ASTN2: variants seen among roughly 807,000 people sequenced by gnomAD.
ASTN2 encodes the protein astrotactin-2.
A neutral mutation model predicts 139.8 loss-of-function variants in ASTN2; 54 were observed. That is an observed-to-expected ratio of 0.39 (90% confidence interval 0.31 to 0.48). The LOEUF is 0.48. Among genes scored for constraint, ASTN2 ranks in the 20% least tolerant of loss-of-function variants. ASTN2 has a pLI of 0.95. For missense variants in ASTN2, 1,565 were observed against 1,725.1 expected (o/e 0.91, Z 1.64); for synonymous variants, 756 against 719.5 (o/e 1.05, Z -0.81).
At chr9:117,022,463 C>CA (rs1418997849) in intron 6 of ASTN2, among the ~76,000 whole-genome samples, 9 of 144,078 alleles carry the variant, frequency 6.2e-5, no homozygotes, top group African/African-American at 2.3e-4. Flanking sequence ...AACAAAAAAA[C>CA]AAAAAACAAA....
intron 10 of ASTN2, among the ~76,000 whole-genome samples, chr9:116,905,440 C>A (rs1171414457): frequency 6.6e-6 from 1 of 152,156 alleles, no homozygotes; most frequent in Non-Finnish European, 1.5e-5. Context: ...AACACACAGT[C>A]TTTATCCTCT....
intron 3 of ASTN2, among the ~76,000 whole-genome samples, chr9:117,153,743 T>C (rs1588022081): frequency 6.6e-6 from 1 of 152,188 alleles, no homozygotes; most frequent in South Asian, 2.1e-4. Context: ...TAGTGATAAT[T>C]GTGAGGATGA....
intron 19 of ASTN2, among the ~76,000 whole-genome samples, chr9:116,543,052 T>C (rs967636528): frequency 3.3e-5 from 5 of 152,066 alleles, no homozygotes; most frequent in African/African-American, 1.2e-4. Flanking sequence ...CTCTTTTAAA[T>C]TGATTATAAC....
At chr9:117,205,438 G>A (rs1000359630) in intron 3 of ASTN2, among the ~76,000 whole-genome samples, 4 of 152,114 alleles carry the variant, frequency 2.6e-5, no homozygotes, top group Non-Finnish European at 5.9e-5. Flanking sequence ...AGCCAAGAGT[G>A]TTACATTCCC....
intron 7 of ASTN2, among the ~76,000 whole-genome samples, chr9:116,997,026 A>C (rs1021059565): frequency 2.6e-5 from 4 of 152,124 alleles, no homozygotes; most frequent in Admixed American, 1.3e-4. Context: ...ATCATCAGAA[A>C]TACCTGAGGC....
At chr9:116,538,619 C>A (rs1044474026) in intron 19 of ASTN2, among the ~76,000 whole-genome samples, 1 of 152,126 alleles carries the variant, frequency 6.6e-6, no homozygotes, top group African/African-American at 2.4e-5. Flanking sequence ...AGTGAAAATT[C>A]TTCATGTTGA....
intron 13 of ASTN2, among the ~76,000 whole-genome samples, chr9:116,794,899 T>C (rs1003968536): frequency 2.0e-5 from 3 of 152,222 alleles, no homozygotes; most frequent in Non-Finnish European, 4.4e-5. Context: ...AGCTTTATGC[T>C]GTTTGAAAGG....
chr9:116,967,323 A>C (rs1217843556), intron 10 of ASTN2, among the ~76,000 whole-genome samples: 1 of 152,176 alleles, frequency 6.6e-6, no homozygotes, highest in African/African-American at 2.4e-5. Context: ...TGGAGCTGGG[A>C]TTTGAGACTA....
intron 10 of ASTN2, among the ~76,000 whole-genome samples, chr9:116,898,184 A>T (rs996276245): frequency 2.6e-5 from 4 of 152,106 alleles, no homozygotes; most frequent in Non-Finnish European, 4.4e-5. Flanking sequence ...AGGTGGAAGG[A>T]TCGCTTGAGT....
chr9:116,544,597 A>T (rs894391311), intron 19 of ASTN2, among the ~76,000 whole-genome samples: 1 of 152,146 alleles, frequency 6.6e-6, no homozygotes, highest in Admixed American at 6.5e-5. Context: ...TGACAGTTAC[A>T]TATTTTTATT....
chr9:116,837,626 C>A (rs1303934175), intron 11 of ASTN2, among the ~76,000 whole-genome samples: 1 of 152,174 alleles, frequency 6.6e-6, no homozygotes, highest in Non-Finnish European at 1.5e-5. Context: ...GCTCTGAGTA[C>A]AAAATTTGTA....
intron 13 of ASTN2, among the ~76,000 whole-genome samples, chr9:116,757,166 C>T (rs1829554863): frequency 6.6e-6 from 1 of 152,134 alleles, no homozygotes; most frequent in Non-Finnish European, 1.5e-5. Flanking sequence ...AGTTGTGAGT[C>T]GCCATGCCCT....
At position 116,747,280 on chromosome 9, in the gene ASTN2, G is replaced by A. The variant is rs78923413; in HGVS notation, c.2397-13757C>T. ...AGGAAAAATGCACAGAACTTATAAG[G>A]TGAGGTTTGAATAATCTAACTTCAT... On this transcript the variant is annotated intron_variant, in intron 13 of 22. Coordinates refer to ENST00000313400, the MANE Select transcript of ASTN2 (RefSeq NM_001365068.1). Among the ~76,000 whole-genome samples the A allele has an allele frequency of 1.1e-3, 171 of 152,278 alleles. 3 individuals are homozygous for A. The East Asian group carries it at 0.031, about 27-fold the overall frequency.
At chr9:117,353,925 C>G (rs936995708) in intron 1 of ASTN2, among the ~76,000 whole-genome samples, 1 of 152,112 alleles carries the variant, frequency 6.6e-6, no homozygotes. Flanking sequence ...AGGCAGAGCA[C>G]AGAGGATTTT....
intron 11 of ASTN2, among the ~76,000 whole-genome samples, chr9:116,848,310 GA>G (rs1362629042): frequency 4.6e-5 from 7 of 152,274 alleles, no homozygotes; most frequent in East Asian, 1.9e-4. Flanking sequence ...GCACAGAGCC[GA>G]GGGAATTTTG....
intron 16 of ASTN2, among the ~76,000 whole-genome samples, chr9:116,695,477 G>C (rs1390161790): frequency 6.6e-6 from 1 of 152,188 alleles, no homozygotes; most frequent in Admixed American, 6.5e-5. Context: ...GTAGAAATTT[G>C]TTGTAATGTA....
chr9:117,117,599 A>G (rs1829430065), intron 4 of ASTN2, among the ~76,000 whole-genome samples: 1 of 152,182 alleles, frequency 6.6e-6, no homozygotes, highest in Admixed American at 6.5e-5. Flanking sequence ...GCTAGAAGGA[A>G]TAAATCAAGA....
At chr9:116,770,528 T>C (rs1829929928) in intron 13 of ASTN2, among the ~76,000 whole-genome samples, 1 of 152,234 alleles carries the variant, frequency 6.6e-6, no homozygotes. Flanking sequence ...CAAGGTTTCA[T>C]GAGCCTGTCT....
At chr9:116,913,545 G>T (rs184164216) in intron 10 of ASTN2, among the ~76,000 whole-genome samples, 1 of 152,186 alleles carries the variant, frequency 6.6e-6, no homozygotes, top group African/African-American at 2.4e-5. Context: ...TGGGCATGCT[G>T]CAGCCTTTTC....
Sources: gnomAD v4.1 joint callset for allele counts (sites outside exome capture counted in the v4.1 genomes callset) on GRCh38, gnomAD v4.1.1 for gene constraint, MANE v1.5 for transcripts, NCBI Gene and HGNC (gene_info 2026-07-23, HGNC 2026-07-21) for gene names.